Variants in ANKS1B observed in about 807,000 individuals in gnomAD.
The protein encoded by ANKS1B is ankyrin repeat and sterile alpha motif domain-containing protein 1B.
A neutral mutation model predicts 148.3 loss-of-function variants in ANKS1B; 36 were observed. The ratio of observed to expected loss-of-function variants is 0.24; its 90% CI spans 0.19 to 0.32. ANKS1B has a LOEUF of 0.32. ANKS1B is among the 10% of genes least tolerant of loss of function. The probability of loss-of-function intolerance (pLI) is 1.00; values close to 1 mark genes in which losing one functional copy is unlikely to be tolerated. For synonymous variants in ANKS1B, 542 were observed against 560.8 expected, an observed-to-expected ratio of 0.97 and a Z score of 0.47; for missense variants, 1,157 against 1,542.6, an observed-to-expected ratio of 0.75 and a Z score of 4.19.
chr12:99,049,020 C>G (rs2099964243), intron 17 of ANKS1B: 1 of 152,220 alleles, frequency 6.6e-6, no homozygotes, highest in African/African-American at 2.4e-5. Flanking sequence ...TCACTCTACA[C>G]TTGAATACTC....
intron 11 of ANKS1B, among the ~76,000 whole-genome samples, chr12:99,430,215 T>C (rs1165093353): frequency 6.6e-6 from 1 of 152,082 alleles, no homozygotes; most frequent in Non-Finnish European, 1.5e-5. Flanking sequence ...AGAGATGACA[T>C]CAAGGAAGCC....
chr12:99,690,857 G>A (rs1449798130), intron 8 of ANKS1B, among the ~76,000 whole-genome samples: 1 of 152,226 alleles, frequency 6.6e-6, no homozygotes, highest in Admixed American at 6.5e-5. Flanking sequence ...GCCCCAGTGG[G>A]AACTCTGTGT....
At chr12:99,528,305 T>C (rs12313711) in intron 9 of ANKS1B, among the ~76,000 whole-genome samples, 1,543 of 151,762 alleles carry the variant, frequency 0.01, 22 homozygotes, top group African/African-American at 0.035. Context: ...ACTCTGGACA[T>C]AGAACTAGAC....
intron 17 of ANKS1B, among the ~76,000 whole-genome samples, chr12:99,047,381 G>C (rs1341408076): frequency 4.6e-5 from 7 of 152,158 alleles, no homozygotes; most frequent in South Asian, 2.1e-4. Context: ...GCCTGGATGA[G>C]AGAATAAGAC....
At chr12:99,506,393 G>A (rs1246236032) in intron 9 of ANKS1B, among the ~76,000 whole-genome samples, 1 of 151,964 alleles carries the variant, frequency 6.6e-6, no homozygotes, top group Non-Finnish European at 1.5e-5. Flanking sequence ...ACACATCAGA[G>A]AGTCAATTAT....
At chr12:98,792,842 C>A (rs141216380) in intron 22 of ANKS1B, among the ~76,000 whole-genome samples, 4 of 152,210 alleles carry the variant, frequency 2.6e-5, no homozygotes, top group Non-Finnish European at 5.9e-5. Context: ...ATTTTCTTTA[C>A]GCATTCATCT....
At chr12:99,603,001 C>T (rs1174843884) in intron 9 of ANKS1B, among the ~76,000 whole-genome samples, 1 of 151,990 alleles carries the variant, frequency 6.6e-6, no homozygotes, top group Non-Finnish European at 1.5e-5. Flanking sequence ...GTTTAGTCTC[C>T]TTAAACTTCT....
At chr12:99,301,574 T>G (rs1440795803) in intron 12 of ANKS1B, among the ~76,000 whole-genome samples, 2 of 152,162 alleles carry the variant, frequency 1.3e-5, no homozygotes, top group Non-Finnish European at 2.9e-5. Context: ...CAAAATACAT[T>G]TATGTATTAA....
chr12:99,076,285 T>A (rs556176047), intron 16 of ANKS1B, among the ~76,000 whole-genome samples: 1 of 152,030 alleles, frequency 6.6e-6, no homozygotes, highest in South Asian at 2.1e-4. Flanking sequence ...TGCAGGCAAA[T>A]GAAGGCGCCT....
intron 14 of ANKS1B, among the ~76,000 whole-genome samples, chr12:99,244,090 T>TA (rs10539895): frequency 3.8e-4 from 57 of 148,350 alleles, no homozygotes; most frequent in Middle Eastern, 3.5e-3. Context: ...TAAAAAATTC[T>TA]AAAAAAAAAA....
intron 1 of ANKS1B, among the ~76,000 whole-genome samples, chr12:99,872,768 G>A (rs1004840250): frequency 2.6e-5 from 4 of 152,056 alleles, no homozygotes; most frequent in African/African-American, 9.7e-5. Context: ...AGTAAATGTT[G>A]CCTCTTCTCT....
At chr12:99,843,907 G>A (rs142337610) in intron 1 of ANKS1B, among the ~76,000 whole-genome samples, 66 of 151,706 alleles carry the variant, frequency 4.4e-4, no homozygotes, top group Admixed American at 3.5e-3. Flanking sequence ...CCACAACCTC[G>A]CATCTGTTGT....
intron 10 of ANKS1B, among the ~76,000 whole-genome samples, chr12:99,445,124 CA>C (rs1594911751): frequency 6.6e-6 from 1 of 151,990 alleles, no homozygotes; most frequent in African/African-American, 2.4e-5. Context: ...ATTGGCATCA[CA>C]AAAGAGATGG....
intron 1 of ANKS1B, among the ~76,000 whole-genome samples, chr12:99,839,011 T>G (rs1429567007): frequency 6.6e-6 from 1 of 152,122 alleles, no homozygotes; most frequent in Admixed American, 6.6e-5. Flanking sequence ...TTTTAATAGC[T>G]AAAAATAGAT....
At chr12:99,304,047 T>C (rs896306491) in intron 12 of ANKS1B, among the ~76,000 whole-genome samples, 2 of 152,114 alleles carry the variant, frequency 1.3e-5, no homozygotes, top group Non-Finnish European at 2.9e-5. Flanking sequence ...CATATTTTTG[T>C]GATTGCGAAT....
intron 9 of ANKS1B, among the ~76,000 whole-genome samples, chr12:99,519,522 G>A (rs886098683): frequency 2.0e-5 from 3 of 151,994 alleles, no homozygotes; most frequent in African/African-American, 2.4e-5. Context: ...AATCTACTTT[G>A]TCTGATATAA....
rs568616633 is a variant in ANKS1B at position 98,880,375 on chromosome 12, T to A, written c.2779-48239A>T. Among the ~76,000 whole-genome samples the A allele has an allele frequency of 7.8e-4, 118 of 152,210 alleles. 1 individual carries two copies. Among genetic ancestry groups the A allele is most frequent in the Non-Finnish European group, 1.1e-3 (78 of 68,036 alleles). The stretch of plus-strand genomic sequence containing the variant: ...GTGCTGATAAAAAGGAAGGTAGCAC[T>A]GATATGGAACTGGGTTTTGGTAACA... On this transcript the variant is annotated intron_variant, in intron 17 of 26. Coordinates refer to ENST00000683438, the MANE Select transcript of ANKS1B (RefSeq NM_001352186.2).
intron 1 of ANKS1B, among the ~76,000 whole-genome samples, chr12:99,832,192 T>C (rs910729674): frequency 2.0e-5 from 3 of 152,206 alleles, no homozygotes; most frequent in Non-Finnish European, 4.4e-5. Flanking sequence ...TGAATACTCT[T>C]AGACCCAACA....
At chr12:99,310,666 G>C (rs1033408170) in intron 12 of ANKS1B, among the ~76,000 whole-genome samples, 1 of 152,078 alleles carries the variant, frequency 6.6e-6, no homozygotes, top group Non-Finnish European at 1.5e-5. Flanking sequence ...CTCAGGCTGG[G>C]ACCAAACCAT....
Sources: gnomAD v4.1 joint callset for allele counts (sites outside exome capture counted in the v4.1 genomes callset) on GRCh38, gnomAD v4.1.1 for gene constraint, MANE v1.5 for transcripts, NCBI Gene and HGNC (gene_info 2026-07-23, HGNC 2026-07-21) for gene names.